The following KLK15 variants were observed in gnomAD, a reference collection of about 807,000 sequenced individuals.
The protein encoded by KLK15 is kallikrein related peptidase 15.
A neutral mutation model predicts 21.1 loss-of-function variants in KLK15; 19 were observed. The ratio of observed to expected loss-of-function variants is 0.90; its 90% CI spans 0.63 to 1.32. The LOEUF (loss-of-function observed/expected upper bound fraction) is 1.32. Ranked by LOEUF, KLK15 falls within the 40% of genes most tolerant of loss-of-function variation. The probability of loss-of-function intolerance (pLI) is 0.00; values close to 1 mark genes in which losing one functional copy is unlikely to be tolerated. For synonymous variants in KLK15, 141 were observed against 141.5 expected, an observed-to-expected ratio of 1.00 and a Z score of 0.03; for missense variants, 345 against 348.6, an observed-to-expected ratio of 0.99 and a Z score of 0.08.
chr19:50,827,185 G>A (rs755694496), intron 2 of KLK15, 24 bp from the exon 4 acceptor site: 3 of 1,556,830 alleles, frequency 1.9e-6, no homozygotes, highest in South Asian at 2.4e-5. Context: ...TGGTTTTCCC[G>A]CCAGTGGAGT....
chr19:50,827,861 T>G (rs2089912173), intron 1 of KLK15, 46 bp from the exon 3 acceptor site: 2 of 1,580,210 alleles, frequency 1.3e-6, no homozygotes, highest in Middle Eastern at 1.7e-4. Flanking sequence ...ACGTTTACAT[T>G]GCCTCCTACA....
intron 4 of KLK15, chr19:50,826,288 C>A: frequency 2.2e-6 from 1 of 451,086 alleles, no homozygotes; most frequent in Non-Finnish European, 3.9e-6. Context: ...CAATCTCAAT[C>A]TTCATGTCTT....
chr19:50,833,470 C>T (rs1351777773), upstream of KLK15, among the ~76,000 whole-genome samples: 1 of 152,196 alleles, frequency 6.6e-6, no homozygotes, highest in African/African-American at 2.4e-5. Flanking sequence ...CCCTTGAAAC[C>T]AGGGCACAGT....
intron 1 of KLK15, among the ~76,000 whole-genome samples, chr19:50,830,336 C>T (rs1310008705): frequency 6.6e-6 from 1 of 151,834 alleles, no homozygotes; most frequent in Admixed American, 6.6e-5. Flanking sequence ...ACAGCCAGAC[C>T]AAATGCCCAC....
At chr19:50,829,055 T>C (rs4435367) in intron 1 of KLK15, among the ~76,000 whole-genome samples, 46,911 of 91,836 alleles carry the variant, frequency 0.51, 8,620 homozygotes, top group East Asian at 0.62. Flanking sequence ...CATGAATACA[T>C]ACACACACAC....
rs1035795522 is a variant in KLK15 at position 50,828,765 on chromosome 19, C to G, written c.44-950G>C. On this transcript the variant is annotated intron_variant, in intron 1 of 4. Transcript: ENST00000598239. Reference sequence around the variant, plus strand: ...GGTGGATCACCTGAGGTCAGGAGTTCGAGACCAGCCTGGCCAATATGGGGA... The same window carrying G: ...GGTGGATCACCTGAGGTCAGGAGTTGGAGACCAGCCTGGCCAATATGGGGA... Among the ~76,000 whole-genome samples, 3 of 151,170 alleles carry G rather than the reference C, an allele frequency of 2.0e-5. No homozygotes were observed. The East Asian group carries it at 5.8e-4, about 29-fold the overall frequency.
downstream of KLK15, chr19:50,825,484 T>G (rs904748650): frequency 5.0e-6 from 1 of 199,860 alleles, no homozygotes; most frequent in Non-Finnish European, 1.0e-5. Flanking sequence ...TCAAGCCGCT[T>G]CTCCTCACCT....
chr19:50,825,572 G>C, downstream of KLK15: 1 of 423,660 alleles, frequency 2.4e-6, no homozygotes, highest in Non-Finnish European at 4.2e-6. Flanking sequence ...AAAAGTCACA[G>C]AAATTCCTAC....
chr19:50,832,704 A>T (rs1407389920), upstream of KLK15, among the ~76,000 whole-genome samples: 1 of 152,064 alleles, frequency 6.6e-6, no homozygotes, highest in Non-Finnish European at 1.5e-5. Flanking sequence ...AGACGCAGCC[A>T]GTGCTGCCAT....
exon 4 of KLK15, chr19:50,826,633 T>C: frequency 6.2e-7 from 1 of 1,602,386 alleles, no homozygotes; most frequent in Non-Finnish European, 8.5e-7. Flanking sequence ...CACAGGATTC[T>C]GCGCCTCTGC....
At chr19:50,826,298 T>C (rs1285660748) in intron 4 of KLK15, 1 of 450,580 alleles carries the variant, frequency 2.2e-6, no homozygotes, top group Non-Finnish European at 3.9e-6. Flanking sequence ...CTTCATGTCT[T>C]CTGCATTCCA....
intron 1 of KLK15, among the ~76,000 whole-genome samples, chr19:50,829,675 C>T (rs1400285094): frequency 6.6e-6 from 1 of 151,642 alleles, no homozygotes; most frequent in Non-Finnish European, 1.5e-5. Flanking sequence ...CAAAAATCAG[C>T]TGGGCGTGGT....
At chr19:50,832,322 CT>C (rs773163899), upstream of KLK15, among the ~76,000 whole-genome samples, 4,389 of 109,210 alleles carry the variant, frequency 0.04, 38 homozygotes, top group Non-Finnish European at 0.051. Context: ...CTTTTTTTTT[CT>C]TTTTTTTTTT....
chr19:50,831,013 G>T (rs1440810356), intron 1 of KLK15: 2 of 154,280 alleles, frequency 1.3e-5, no homozygotes, highest in Admixed American at 1.3e-4. Flanking sequence ...GTCTGTCTGT[G>T]CTGTTGGCCT....
intron 4 of KLK15, chr19:50,826,411 A>T (rs2089879354): frequency 1.9e-6 from 1 of 532,900 alleles, no homozygotes; most frequent in African/African-American, 1.9e-5. Context: ...TCTCAAACTA[A>T]CTATCACATT....
In KLK15 at chr19:50,825,874, GT is replaced by G. The variant is rs1452680814; in HGVS notation, c.692del (p.Asp231AlafsTer23). 2 of 1,614,018 alleles carry G rather than the reference GT, an allele frequency of 1.2e-6. No homozygotes were observed. Among genetic ancestry groups the G allele is most frequent in the Non-Finnish European group, 1.7e-6 (2 of 1,179,936 alleles). The stretch of plus-strand genomic sequence containing the variant: ...TATAGACACCAGGCTTGGTGGTGTT[GT>G]CACAAGGGACGTCACCCCAGGACAC... On this transcript the variant is annotated frameshift_variant, in exon 5 of 5. Transcript: ENST00000598239. LOFTEE classifies it low-confidence loss of function (END_TRUNC).
intron 2 of KLK15, 42 bp from the exon 4 acceptor site, chr19:50,827,203 A>T: frequency 6.5e-7 from 1 of 1,538,060 alleles, no homozygotes; most frequent in Admixed American, 1.8e-5. Context: ...AGTGCGGGCC[A>T]GTGGTTACCC....
intron 3 of KLK15, 25 bp from the exon 5 acceptor site, chr19:50,826,782 C>G (rs766046165): frequency 3.1e-6 from 5 of 1,599,618 alleles, no homozygotes; most frequent in Non-Finnish European, 4.3e-6. Flanking sequence ...GGACTTGGAG[C>G]AGATCCATAA....
chr19:50,832,244 G>A (rs1439269571), upstream of KLK15, among the ~76,000 whole-genome samples: 1 of 151,040 alleles, frequency 6.6e-6, no homozygotes, highest in Non-Finnish European at 1.5e-5. Flanking sequence ...CCCCTCCCCT[G>A]CTCACCACCC....
Sources: allele counts gnomAD v4.1 joint callset (sites outside exome capture counted in the v4.1 genomes callset), GRCh38; gene constraint gnomAD v4.1.1; transcripts MANE v1.5; gene names NCBI Gene and HGNC (gene_info 2026-07-23, HGNC 2026-07-21).